Variants in PTPRZ1 observed in about 807,000 individuals in gnomAD.
The protein encoded by PTPRZ1 is receptor-type tyrosine-protein phosphatase zeta.
PTPRZ1 carries 82 observed loss-of-function variants against 214.1 expected under a neutral mutation model. The observed-to-expected ratio is 0.38, with a 90% CI of 0.32 to 0.46. PTPRZ1 has a LOEUF of 0.46. PTPRZ1 is among the 20% of genes least tolerant of loss of function. PTPRZ1 has a pLI of 1.00. For synonymous variants in PTPRZ1, 945 were observed against 987.9 expected (o/e 0.96, Z 0.81); for missense variants, 2,603 against 2,748.7 (o/e 0.95, Z 1.19).
rs570545843 is a variant in PTPRZ1, at chr7:121,873,285, C to G, written c.-215C>G. ...CTCCAGATTATTCCTCTCTCGCTGT[C>G]TCTGACTGTCTCTCTCTGTCTCTGT... On this transcript the variant is annotated 5_prime_UTR_variant, in exon 1 of 30. Coordinates refer to ENST00000393386, the MANE Select transcript of PTPRZ1 (RefSeq NM_002851.3). 3 of 512,968 alleles carry G rather than the reference C, an allele frequency of 5.8e-6. No homozygotes were observed. Among genetic ancestry groups the G allele is most frequent in the African/African-American group, 2.0e-5 (1 of 50,710 alleles). The allele number at this position is 512,968 out of a possible 1,614,324, so 31.8% of individuals were successfully genotyped here. A position where few individuals can be genotyped will look rare whatever the true frequency, so the allele number is the denominator to read the frequency against.
At chr7:122,042,386 A>G (rs1799757758) in intron 21 of PTPRZ1, among the ~76,000 whole-genome samples, 1 of 152,222 alleles carries the variant, frequency 6.6e-6, no homozygotes, top group Admixed American at 6.5e-5. Flanking sequence ...TTGCAATTAG[A>G]CACATGACAA....
At chr7:122,037,517 G>T (rs1354291572) in intron 18 of PTPRZ1, among the ~76,000 whole-genome samples, 1 of 152,120 alleles carries the variant, frequency 6.6e-6, no homozygotes, top group Non-Finnish European at 1.5e-5. Context: ...AACTAAATTG[G>T]TTTTTCACTG....
chr7:122,046,444 A>AATTT (rs1791985176), intron 23 of PTPRZ1, among the ~76,000 whole-genome samples: 1 of 152,128 alleles, frequency 6.6e-6, no homozygotes, highest in South Asian at 2.1e-4. Context: ...ACAGATAAAC[A>AATTT]AAATAGTGTG....
chr7:121,895,769 G>A (rs970629918), intron 1 of PTPRZ1, among the ~76,000 whole-genome samples: 1 of 152,182 alleles, frequency 6.6e-6, no homozygotes, highest in African/African-American at 2.4e-5. Context: ...GAAAATAATT[G>A]TCAGTGAAAT....
Position 122,011,441 on chromosome 7 carries a change from G to A in PTPRZ1, c.2395G>A (p.Val799Ile). 6.2e-7 allele frequency: 1 copy of A among 1,614,090 alleles called. No individual in the cohort carries two copies. Among genetic ancestry groups the A allele is most frequent in the Non-Finnish European group, 8.5e-7 (1 of 1,179,986 alleles). Residue 799 changes from valine to isoleucine, a missense_variant, in exon 12 of 30, where the codon GTA (valine) becomes ATA (isoleucine). Physicochemically the swap from Val to Ile is conservative, Grantham distance 29. Transcript: ENST00000393386. ...TGATTCGGCCTTGCATGCTACGCCTGTATTTCCCAGTGTCGATGTGTCATT... is the reference window on the plus strand; with the variant it reads ...TGATTCGGCCTTGCATGCTACGCCTATATTTCCCAGTGTCGATGTGTCATT... ...SSDSALHATP[V>I]FPSVDVSFES...
At chr7:121,900,670 G>A (rs1563008226) in intron 1 of PTPRZ1, among the ~76,000 whole-genome samples, 3 of 152,122 alleles carry the variant, frequency 2.0e-5, no homozygotes, top group Admixed American at 6.6e-5. Context: ...TTATTCAGAC[G>A]CCTCTTCCTG....
intron 3 of PTPRZ1, among the ~76,000 whole-genome samples, chr7:121,968,561 T>C (rs528518733): frequency 1.9e-4 from 29 of 152,082 alleles, no homozygotes; most frequent in South Asian, 1.0e-3. Flanking sequence ...TTCCTAGCTC[T>C]TCTATATAGA....
intron 27 of PTPRZ1, among the ~76,000 whole-genome samples, chr7:122,056,951 G>A (rs895276895): frequency 1.3e-5 from 2 of 151,650 alleles, no homozygotes; most frequent in African/African-American, 4.8e-5. Flanking sequence ...TATGTATTTG[G>A]GTATAGTTCA....
intron 13 of PTPRZ1, among the ~76,000 whole-genome samples, chr7:122,020,473 A>G (rs1224998854): frequency 2.0e-5 from 3 of 152,188 alleles, no homozygotes; most frequent in African/African-American, 7.2e-5. Context: ...GGAGTCAGAA[A>G]GGAAAGGAAA....
At chr7:121,884,166 C>T (rs999223750) in intron 1 of PTPRZ1, among the ~76,000 whole-genome samples, 3 of 151,942 alleles carry the variant, frequency 2.0e-5, no homozygotes, top group African/African-American at 7.3e-5. Context: ...ATGACTGAAT[C>T]GATTTTCAAT....
At chr7:122,053,454 T>G (rs1420927955) in intron 25 of PTPRZ1, among the ~76,000 whole-genome samples, 2 of 152,164 alleles carry the variant, frequency 1.3e-5, no homozygotes, top group East Asian at 1.9e-4. Context: ...GATGTAGAAC[T>G]GGAAACTGTA....
chr7:121,944,490 T>A (rs1035992270), intron 2 of PTPRZ1, among the ~76,000 whole-genome samples: 6 of 152,282 alleles, frequency 3.9e-5, no homozygotes, highest in African/African-American at 1.4e-4. Context: ...TAAAATAGGA[T>A]CTGAATATTT....
intron 1 of PTPRZ1, among the ~76,000 whole-genome samples, chr7:121,927,181 T>C (rs1319610060): frequency 6.6e-6 from 1 of 152,252 alleles, no homozygotes; most frequent in African/African-American, 2.4e-5. Context: ...TATGAATGAA[T>C]AATGTTCTAC....
intron 1 of PTPRZ1, among the ~76,000 whole-genome samples, chr7:121,899,229 C>A (rs1347508748): frequency 6.6e-6 from 1 of 152,040 alleles, no homozygotes; most frequent in Non-Finnish European, 1.5e-5. Flanking sequence ...GCAAATTCCA[C>A]TAGGCATTAA....
chr7:121,914,557 A>G (rs1795364039), intron 1 of PTPRZ1, among the ~76,000 whole-genome samples: 1 of 152,192 alleles, frequency 6.6e-6, no homozygotes, highest in African/African-American at 2.4e-5. Flanking sequence ...GAAAAGGATC[A>G]ATTGTTTTTG....
chr7:121,998,039 T>C, intron 10 of PTPRZ1, 33 bp downstream of exon 10: 1 of 1,592,214 alleles, frequency 6.3e-7, no homozygotes, highest in Non-Finnish European at 8.6e-7. Context: ...ATATATTAAC[T>C]CAATAAATGA....
chr7:121,978,709 T>A (rs1797515663), intron 6 of PTPRZ1, among the ~76,000 whole-genome samples: 1 of 152,158 alleles, frequency 6.6e-6, no homozygotes, highest in Admixed American at 6.6e-5. Flanking sequence ...ATATCACCAC[T>A]ATTTGTGCAC....
At chr7:121,886,426 C>G (rs765027430) in intron 1 of PTPRZ1, among the ~76,000 whole-genome samples, 5 of 151,150 alleles carry the variant, frequency 3.3e-5, no homozygotes, top group Non-Finnish European at 2.9e-5. Flanking sequence ...GTTAGTTCAT[C>G]AAAAACACAG....
intron 4 of PTPRZ1, among the ~76,000 whole-genome samples, chr7:121,974,669 AAGT>A (rs1389949195): frequency 2.6e-5 from 4 of 151,964 alleles, no homozygotes; most frequent in Non-Finnish European, 5.9e-5. Context: ...TTCTATCTTT[AAGT>A]AGAGACGGAG....
Sources: gnomAD v4.1 joint callset for allele counts (sites outside exome capture counted in the v4.1 genomes callset) on GRCh38, gnomAD v4.1.1 for gene constraint, MANE v1.5 for transcripts, NCBI Gene and HGNC (gene_info 2026-07-23, HGNC 2026-07-21) for gene names.